Variants in CNOT7 observed in about 807,000 individuals in gnomAD.
CNOT7 encodes the protein BTG1-binding factor 1.
Under a neutral mutation model 37.1 loss-of-function variants are expected in CNOT7, and 4 were observed. The ratio of observed to expected loss-of-function variants is 0.11; its 90% CI spans 0.05 to 0.25. The LOEUF is 0.25. Ranked by LOEUF, CNOT7 falls within the 10% of genes least tolerant of loss-of-function variation. The pLI is 1.00. For synonymous variants in CNOT7, 128 were observed against 115.6 expected, an observed-to-expected ratio of 1.11 and a Z score of -0.69; for missense variants, 170 against 336.2, an observed-to-expected ratio of 0.51 and a Z score of 3.87.
In CNOT7 at chr8:17,245,070, C is replaced by T. The variant is rs778137902; in HGVS notation, c.83G>A (p.Arg28His). ...GTAATTATATTTTCGGATAACTTGACGAATTTTCTTCATCTCTTCATCCAA... is the reference window on the plus strand; with the variant it reads ...GTAATTATATTTTCGGATAACTTGATGAATTTTCTTCATCTCTTCATCCAA... ...CNLDEEMKKI[R>H]QVIRKYNYVA... Residue 28 changes from arginine (R) to histidine (H), a missense_variant, in exon 2 of 7, where the codon CGT becomes CAT. Arg to His is a conservative substitution (Grantham distance 29). Transcript: ENST00000361272. 2 of 1,613,622 alleles carry T rather than the reference C, an allele frequency of 1.2e-6. No homozygotes were observed. Among genetic ancestry groups the T allele is most frequent in the African/African-American group, 1.3e-5 (1 of 74,990 alleles).
chr8:17,231,644 C>T, intron 6 of CNOT7: 1 of 985,330 alleles, frequency 1.0e-6, no homozygotes, highest in Non-Finnish European at 1.2e-6. Flanking sequence ...AAAGGGAAAA[C>T]TTATAGTCAA....
intron 5 of CNOT7, 24 bp from the exon 6 acceptor site, chr8:17,232,561 G>T: frequency 6.3e-7 from 1 of 1,598,584 alleles, no homozygotes; most frequent in Non-Finnish European, 8.5e-7. Context: ...AAAATTGCTT[G>T]TCAAGAAGAA....
chr8:17,234,005 G>C (rs960056189), intron 5 of CNOT7, among the ~76,000 whole-genome samples: 7 of 152,144 alleles, frequency 4.6e-5, no homozygotes, highest in African/African-American at 1.7e-4. Context: ...AGTGAGCCGA[G>C]ACCACGCCAC....
intron 5 of CNOT7, 39 bp downstream of exon 5, chr8:17,234,675 GAA>G (rs746410078): frequency 6.2e-7 from 1 of 1,608,134 alleles, no homozygotes; most frequent in South Asian, 1.1e-5. Flanking sequence ...CACTTGGTCT[GAA>G]CAGTGTGCTG....
intron 3 of CNOT7, 67 bp downstream of exon 3, chr8:17,242,925 A>T (rs1001665563): frequency 8.9e-7 from 1 of 1,126,230 alleles, no homozygotes; most frequent in Non-Finnish European, 1.2e-6. Flanking sequence ...ATACTTGAGG[A>T]AAATCAATTC....
chr8:17,235,649 ACCTTT>A (rs1020635413), intron 4 of CNOT7, among the ~76,000 whole-genome samples: 1 of 152,140 alleles, frequency 6.6e-6, no homozygotes, highest in African/African-American at 2.4e-5. Context: ...TCCCTTGTCT[ACCTTT>A]CCTTCCAAGG....
intron 3 of CNOT7, 89 bp from the exon 4 acceptor site, chr8:17,237,462 G>T: frequency 8.1e-7 from 1 of 1,232,088 alleles, no homozygotes; most frequent in Non-Finnish European, 1.2e-6. Context: ...TACAGTGCCA[G>T]AAAAGAGACA....
At chr8:17,245,660 AAAAC>A (rs1168253880) in intron 1 of CNOT7, among the ~76,000 whole-genome samples, 1 of 152,224 alleles carries the variant, frequency 6.6e-6, no homozygotes, top group African/African-American at 2.4e-5. Flanking sequence ...CCTCATTAAT[AAAAC>A]AACCAAAATC....
rs564426316 is a variant in CNOT7, at chr8:17,233,376, T to G, written c.619-839A>C. On this transcript the variant is annotated intron_variant, in intron 5 of 6. Transcript: ENST00000361272. ...CGCTAAAAATAGCACGAGGATTAGG[T>G]ATCGTTAGCAGCTGCTTAGGAGAAC... Among the ~76,000 whole-genome samples the G allele has an allele frequency of 9.2e-5, 14 of 152,284 alleles. No individual in the cohort carries two copies. In the East Asian group the frequency reaches 2.3e-3, roughly 25 times the overall value.
At position 17,229,523 on chromosome 8, in the gene CNOT7, T is replaced by C. The variant is rs2150964481; in HGVS notation, c.*1197A>G. 1 of 152,342 alleles carries C rather than the reference T, an allele frequency of 6.6e-6. No individual in the cohort carries two copies. Among genetic ancestry groups the C allele is most frequent in the Non-Finnish European group, 1.5e-5 (1 of 67,802 alleles). The allele number at this position is 152,342 out of a possible 1,614,324, so 9.4% of individuals were successfully genotyped here. A position where few individuals can be genotyped will look rare whatever the true frequency, so the allele number is the denominator to read the frequency against. ...CATGCTCTGGTCTGGTCACATATTC[T>C]GCATGGCTAAGTATTTCACAGTCTC... On this transcript the variant is annotated 3_prime_UTR_variant, in exon 7 of 7. Transcript: ENST00000361272.
At chr8:17,241,618 T>A (rs1810177371) in intron 3 of CNOT7, 1 of 152,212 alleles carries the variant, frequency 6.6e-6, no homozygotes, top group Admixed American at 6.5e-5. Flanking sequence ...GATATTAGGA[T>A]GTATGACACA....
intron 5 of CNOT7, 193 bp downstream of exon 5, chr8:17,234,523 T>C: frequency 3.5e-6 from 2 of 578,530 alleles, no homozygotes; most frequent in Non-Finnish European, 6.1e-6. Context: ...TGCCAAGACA[T>C]ACTGAAGCTC....
chr8:17,245,903 AT>A (rs1810935306), intron 1 of CNOT7: 1 of 152,090 alleles, frequency 6.6e-6, no homozygotes, highest in Non-Finnish European at 1.5e-5. Context: ...GTTCCTGTTG[AT>A]TCTTGGGCAG....
intron 3 of CNOT7, among the ~76,000 whole-genome samples, chr8:17,241,133 T>C (rs1810107761): frequency 6.6e-6 from 1 of 152,064 alleles, no homozygotes; most frequent in African/African-American, 2.4e-5. Context: ...AGTGGTGCAA[T>C]CTAGATCACT....
In CNOT7 at chr8:17,243,200, T is replaced by C. The variant is rs1366589879; in HGVS notation, c.118-15A>G. 6 of 1,572,050 alleles carry C rather than the reference T, an allele frequency of 3.8e-6. No homozygotes were observed. The highest frequency in any genetic ancestry group is 4.3e-6 in the Non-Finnish European group (5 of 1,164,848). ...AACTCGGTGTCCTGTAAAATAGTTT[T>C]AAGATTCATTATGTACTAAACAGTC... On this transcript the variant is annotated splice_polypyrimidine_tract_variant and intron_variant, in intron 2 of 6. Coordinates refer to ENST00000361272, the MANE Select transcript of CNOT7 (RefSeq NM_013354.7).
intron 2 of CNOT7, chr8:17,243,525 A>G: frequency 2.1e-6 from 1 of 482,034 alleles, no homozygotes; most frequent in Non-Finnish European, 4.1e-6. Context: ...TTCCAATGCT[A>G]AAACCAAGTT....
At chr8:17,239,808 G>C (rs113565040) in intron 3 of CNOT7, among the ~76,000 whole-genome samples, 1 of 152,284 alleles carries the variant, frequency 6.6e-6, no homozygotes, top group African/African-American at 2.4e-5. Flanking sequence ...GTGAGAATTT[G>C]TTAAAAATTT....
chr8:17,226,483 C>T lies in CNOT7; in HGVS notation c.*4237G>A, dbSNP rs1808169426. The stretch of plus-strand genomic sequence containing the variant: ...TCACTTGTAAGGCATTTGTAGGATT[C>T]ATCTTTTTGGTATTTGCCCTTTAGC... On this transcript the variant is annotated 3_prime_UTR_variant, in exon 7 of 7. Coordinates refer to ENST00000361272, the MANE Select transcript of CNOT7 (RefSeq NM_013354.7). 1 of 151,670 alleles carries T rather than the reference C, an allele frequency of 6.6e-6. No individual in the cohort carries two copies. The highest frequency in any genetic ancestry group is 2.4e-5 in the African/African-American group (1 of 41,366). The allele number at this position is 151,670 out of a possible 1,614,324, so 9.4% of individuals were successfully genotyped here.
intron 4 of CNOT7, among the ~76,000 whole-genome samples, chr8:17,235,714 T>G (rs919269494): frequency 3.3e-5 from 5 of 152,180 alleles, no homozygotes; most frequent in Non-Finnish European, 7.3e-5. Flanking sequence ...ATTAAAAGAT[T>G]ATATTAGCGC....
Sources: gnomAD v4.1 joint callset for allele counts (sites outside exome capture counted in the v4.1 genomes callset) on GRCh38, gnomAD v4.1.1 for gene constraint, MANE v1.5 for transcripts, NCBI Gene and HGNC (gene_info 2026-07-23, HGNC 2026-07-21) for gene names.